Variants in ACTR2 observed in about 807,000 individuals in gnomAD.
ACTR2 encodes actin-related protein 2.
In ACTR2, 5 loss-of-function variants were observed where a neutral mutation model predicts 50.2. That is an observed-to-expected ratio of 0.10 (90% CI 0.05 to 0.21). The LOEUF (loss-of-function observed/expected upper bound fraction) is 0.21, where lower values mean the gene tolerates loss of function less well. ACTR2 is among the 10% of genes least tolerant of loss of function. ACTR2 has a pLI of 1.00. For missense variants in ACTR2, 180 were observed against 480.6 expected (o/e 0.37, Z 5.85); for synonymous variants, 140 against 162.9 (o/e 0.86, Z 1.07).
In ACTR2 at chr2:65,270,027, C is replaced by G. The variant is rs2104030480; in HGVS notation, c.*1293C>G. 1 of 152,098 alleles carries G rather than the reference C, an allele frequency of 6.6e-6. No individual in the cohort carries two copies. Among genetic ancestry groups the G allele is most frequent in the East Asian group, 1.9e-4 (1 of 5,196 alleles). The allele number at this position is 152,098 out of a possible 1,614,324, so 9.4% of individuals were successfully genotyped here. A position where few individuals can be genotyped will look rare whatever the true frequency, so the allele number is the denominator to read the frequency against. On this transcript the variant is annotated 3_prime_UTR_variant, in exon 9 of 9. Transcript: ENST00000260641. ...TTGTAAACGTTAGCAGACTTTCCTG[C>G]CAGTGTCAGAAAATCCTATTTATGA...
intron 4 of ACTR2, 78 bp from the exon 5 acceptor site, chr2:65,253,650 C>T: frequency 2.0e-6 from 3 of 1,469,678 alleles, no homozygotes; most frequent in South Asian, 1.2e-5. Context: ...GTTTTGGCTT[C>T]CCTACTGTAT....
intron 1 of ACTR2, 29 bp from the exon 2 acceptor site, chr2:65,239,823 C>G: frequency 7.6e-7 from 1 of 1,311,088 alleles, no homozygotes; most frequent in Non-Finnish European, 1.1e-6. Flanking sequence ...CTGATGCTAA[C>G]CCACTTTTAT....
Position 65,246,610 on chromosome 2 carries a change from G to T in ACTR2, c.246G>T (p.Trp82Cys). Residue 82 changes from tryptophan (W) to cysteine (C), a missense_variant, in exon 3 of 9, where the codon TGG (tryptophan) becomes TGT (cysteine). By Grantham distance (215) the Trp-to-Cys change is radical. Transcript: ENST00000260641. ...YPMENGIVRN[W>C]DDMKHLWDYT... is the part of the protein sequence containing the mutation. ...TGGAAAATGGCATAGTACGAAATTG[G>T]GATGACATGAAACACCTGTGGGACT... The T allele has an allele frequency of 6.2e-7, 1 of 1,613,376 alleles. No individual in the cohort carries two copies. Among genetic ancestry groups the T allele is most frequent in the Non-Finnish European group, 8.5e-7 (1 of 1,179,584 alleles).
At chr2:65,256,801 GGCAGA>G (rs1204073852) in intron 6 of ACTR2, among the ~76,000 whole-genome samples, 1 of 151,090 alleles carries the variant, frequency 6.6e-6, no homozygotes, top group Admixed American at 6.6e-5. Context: ...CAACCCAGGA[GGCAGA>G]GGTTGCAGTG....
chr2:65,251,134 A>G (rs886613744), intron 4 of ACTR2, 35 bp downstream of exon 4: 3 of 1,445,280 alleles, frequency 2.1e-6, no homozygotes, highest in African/African-American at 2.9e-5. Context: ...AAAACACTTC[A>G]TCAAACATTT....
intron 2 of ACTR2, among the ~76,000 whole-genome samples, chr2:65,240,940 G>A (rs987982860): frequency 1.3e-5 from 2 of 151,986 alleles, no homozygotes; most frequent in African/African-American, 4.8e-5. Flanking sequence ...TTCTGCTTTT[G>A]GGATAGAGAG....
Position 65,251,038 on chromosome 2 carries a change from A to C in ACTR2, c.387A>C (p.Glu129Asp), listed in dbSNP as rs1183014893. Residue 129 changes from glutamate (E) to aspartate (D), a missense_variant, in exon 4 of 9, where the codon GAA becomes GAC. Transcript: ENST00000260641. The stretch of plus-strand genomic sequence containing the variant: ...GTCTGCATTTACAGGTAATGTTTGA[A>C]ACTTACCAGTTTTCCGGTGTATATG... ...NREKIVEVMFETYQFSGVYVA... is the reference protein window; with the variant it reads ...NREKIVEVMFDTYQFSGVYVA... 6.2e-7 allele frequency: 1 copy of C among 1,602,508 alleles called. No individual in the cohort carries two copies. Among genetic ancestry groups the C allele is most frequent in the Non-Finnish European group, 8.5e-7 (1 of 1,174,962 alleles).
intron 1 of ACTR2, among the ~76,000 whole-genome samples, chr2:65,238,316 G>A (rs1480786326): frequency 6.6e-6 from 1 of 152,138 alleles, no homozygotes; most frequent in Non-Finnish European, 1.5e-5. Flanking sequence ...AGTACACAGA[G>A]AATGAAATTA....
At chr2:65,254,892 C>A (rs902585678) in intron 5 of ACTR2, among the ~76,000 whole-genome samples, 6 of 152,034 alleles carry the variant, frequency 3.9e-5, no homozygotes, top group African/African-American at 7.2e-5. Context: ...GCGTAACTAA[C>A]AGAATTTCTG....
intron 8 of ACTR2, among the ~76,000 whole-genome samples, chr2:65,266,079 CATTT>C (rs1398091207): frequency 6.6e-6 from 1 of 152,170 alleles, no homozygotes; most frequent in African/African-American, 2.4e-5. Context: ...CTCAGGTGAT[CATTT>C]ATTCAGCAAA....
chr2:65,237,572 C>T (rs1165143766), intron 1 of ACTR2, among the ~76,000 whole-genome samples: 3 of 152,124 alleles, frequency 2.0e-5, no homozygotes, highest in South Asian at 2.1e-4. Context: ...TTGTAACTGC[C>T]GGGCACAGTG....
intron 1 of ACTR2, among the ~76,000 whole-genome samples, chr2:65,237,848 G>C (rs2103987036): frequency 6.6e-6 from 1 of 152,166 alleles, no homozygotes. Flanking sequence ...GGCGTGGTGA[G>C]GTACACCTGT....
In ACTR2 at chr2:65,269,799, A is replaced by C. The variant is rs1672457531; in HGVS notation, c.*1065A>C. On this transcript the variant is annotated 3_prime_UTR_variant, in exon 9 of 9. Coordinates refer to ENST00000260641, the MANE Select transcript of ACTR2 (RefSeq NM_005722.4). ...TTGGTGGTTTAAAAATAACATTGGA[A>C]TACAGGACTTGTTGCCAATTGGGTA... 1 of 152,230 alleles carries C rather than the reference A, an allele frequency of 6.6e-6. No individual in the cohort carries two copies. The highest frequency in any genetic ancestry group is 6.5e-5 in the Admixed American group (1 of 15,290). The allele number at this position is 152,230 out of a possible 1,614,324, so 9.4% of individuals were successfully genotyped here. A position where few individuals can be genotyped will look rare whatever the true frequency, so the allele number is the denominator to read the frequency against.
intron 7 of ACTR2, among the ~76,000 whole-genome samples, chr2:65,263,778 G>A (rs1186246543): frequency 4.6e-5 from 7 of 152,166 alleles, no homozygotes; most frequent in South Asian, 2.1e-4. Context: ...GGTGGCTCAC[G>A]CCTGTAATCC....
chr2:65,246,793 TC>T, intron 3 of ACTR2, 54 bp downstream of exon 3: 1 of 1,213,976 alleles, frequency 8.2e-7, no homozygotes, highest in Non-Finnish European at 1.1e-6. Flanking sequence ...TTATGTTAAA[TC>T]AAAAATTTTC....
chr2:65,267,560 C>G (rs1672397149), intron 8 of ACTR2, among the ~76,000 whole-genome samples: 1 of 152,146 alleles, frequency 6.6e-6, no homozygotes, highest in African/African-American at 2.4e-5. Context: ...TTTAAGGTTT[C>G]TCTTTCAGGT....
In ACTR2 at chr2:65,231,661, C is replaced by A. The variant is rs147626865; in HGVS notation, c.48+3704C>A. 3.6e-3 allele frequency among the ~76,000 whole-genome samples: 547 copies of A among 151,998 alleles called. 3 individuals are homozygous for A. Among genetic ancestry groups the A allele is most frequent in the African/African-American group, 0.012 (501 of 41,450 alleles). ...ACTAGCCTGGGTTAGTATAACAAGA[C>A]CCCATATCTAGTAAAAATAAAAATA... is the stretch of plus-strand genomic sequence containing the variant. On this transcript the variant is annotated intron_variant, in intron 1 of 8. Coordinates refer to ENST00000260641, the MANE Select transcript of ACTR2 (RefSeq NM_005722.4).
At chr2:65,237,064 T>C (rs1178350076) in intron 1 of ACTR2, among the ~76,000 whole-genome samples, 1 of 152,230 alleles carries the variant, frequency 6.6e-6, no homozygotes, top group Non-Finnish European at 1.5e-5. Context: ...GATCATTTAC[T>C]GTGTACCTAT....
chr2:65,227,904 C>A lies in ACTR2; in HGVS notation c.-6C>A. On this transcript the variant is annotated 5_prime_UTR_variant, in exon 1 of 9. Transcript: ENST00000260641. ...GCGGCTGCAGCGGCTCTTCCCTGGG[C>A]GGACGATGGACAGCCAGGGCAGGAA... The A allele has an allele frequency of 2.0e-6, 3 of 1,519,218 alleles. No homozygotes were observed. Among genetic ancestry groups the A allele is most frequent in the Admixed American group, 2.1e-5 (1 of 47,080 alleles). The allele number at this position is 1,519,218 out of a possible 1,614,324, so 94.1% of individuals were successfully genotyped here.
Sources: gnomAD v4.1 joint callset for allele counts (sites outside exome capture counted in the v4.1 genomes callset) on GRCh38, gnomAD v4.1.1 for gene constraint, MANE v1.5 for transcripts, NCBI Gene and HGNC (gene_info 2026-07-23, HGNC 2026-07-21) for gene names.